GPCPD1: variants seen among roughly 807,000 people sequenced by gnomAD.
GPCPD1 encodes the protein glycerophosphocholine phosphodiesterase 1, also known as glycerophosphocholine phosphodiesterase GPCPD1.
A neutral mutation model predicts 89.2 loss-of-function variants in GPCPD1; 29 were observed. The ratio of observed to expected loss-of-function variants is 0.33; its 90% confidence interval spans 0.24 to 0.44. The LOEUF is 0.44. Ranked by LOEUF, GPCPD1 falls within the 20% of genes least tolerant of loss-of-function variation. The pLI is 1.00. For missense variants in GPCPD1, 594 were observed against 808.9 expected, an observed-to-expected ratio of 0.73 and a Z score of 3.22; for synonymous variants, 258 against 266.3, an observed-to-expected ratio of 0.97 and a Z score of 0.30.
chr20:5,570,385 T>C (rs1255647750), intron 11 of GPCPD1, 146 bp from the exon 12 acceptor site: 2 of 270,610 alleles, frequency 7.4e-6, no homozygotes, highest in East Asian at 6.3e-5. Context: ...CTTAAAACAA[T>C]GGGTTTTCTC....
At chr20:5,598,946 T>C (rs1259471873) in intron 2 of GPCPD1, 125 bp from the exon 3 acceptor site, 1 of 673,254 alleles carries the variant, frequency 1.5e-6, no homozygotes, top group African/African-American at 1.8e-5. Flanking sequence ...AGAGCCTCAC[T>C]AGATATAGGT....
chr20:5,567,595 A>C (rs776111166), intron 12 of GPCPD1, 35 bp from the exon 13 acceptor site: 23 of 1,516,966 alleles, frequency 1.5e-5, no homozygotes, highest in Middle Eastern at 4.9e-4. Context: ...AAGAAAAAGA[A>C]AGAATAAAGA....
chr20:5,610,143 G>A (rs997008639), intron 1 of GPCPD1, among the ~76,000 whole-genome samples: 2 of 152,140 alleles, frequency 1.3e-5, no homozygotes, highest in African/African-American at 4.8e-5. Flanking sequence ...CTGGGGAGAG[G>A]GCTGATGAGG....
rs766915579 is a variant in GPCPD1, at chr20:5,594,350, C to T, written c.147-939G>A. Among the ~76,000 whole-genome samples the T allele has an allele frequency of 7.3e-5, 11 of 150,610 alleles. No homozygotes were observed. In the East Asian group the frequency reaches 1.8e-3, roughly 24 times the overall value. The stretch of plus-strand genomic sequence containing the variant: ...TGTCACCCAGAGTGAAGTGCAGTGG[C>T]GCGATCTCAGCTCACTGCAAGCTCC... On this transcript the variant is annotated intron_variant, in intron 3 of 19. Coordinates refer to ENST00000379019, the MANE Select transcript of GPCPD1 (RefSeq NM_019593.5).
intron 19 of GPCPD1, chr20:5,549,545 T>C: frequency 1.1e-6 from 1 of 940,200 alleles, no homozygotes; most frequent in East Asian, 3.2e-5. Context: ...CAATCGAGAT[T>C]TTGGAGCTGA....
chr20:5,583,465 T>C (rs1022591283), intron 6 of GPCPD1, among the ~76,000 whole-genome samples: 5 of 152,010 alleles, frequency 3.3e-5, no homozygotes, highest in Non-Finnish European at 7.4e-5. Context: ...GGAGTATCAC[T>C]TGAACCTCAG....
intron 15 of GPCPD1, among the ~76,000 whole-genome samples, chr20:5,562,741 T>G (rs1456163063): frequency 1.3e-5 from 2 of 152,210 alleles, no homozygotes; most frequent in African/African-American, 4.8e-5. Flanking sequence ...CTGGGCCTAC[T>G]CTTAACCAGC....
intron 6 of GPCPD1, 149 bp from the exon 7 acceptor site, chr20:5,580,280 C>G (rs1978365339): frequency 2.0e-6 from 1 of 490,196 alleles, no homozygotes; most frequent in Admixed American, 4.0e-5. Flanking sequence ...AGATCTAATC[C>G]ATGATTTGTT....
At chr20:5,610,665 C>T (rs1231628792) in intron 1 of GPCPD1, among the ~76,000 whole-genome samples, 177 bp downstream of exon 1, 1 of 151,786 alleles carries the variant, frequency 6.6e-6, no homozygotes, top group Non-Finnish European at 1.5e-5. Flanking sequence ...ACCGATTTAG[C>T]GCAGCGAACG....
intron 17 of GPCPD1, among the ~76,000 whole-genome samples, 167 bp from the exon 18 acceptor site, chr20:5,558,986 T>TG (rs1410513595): frequency 6.6e-6 from 1 of 152,126 alleles, no homozygotes; most frequent in Non-Finnish European, 1.5e-5. Context: ...GCAGAGCACT[T>TG]GCGGTCATGA....
chr20:5,594,352 C>T (rs1979550072), intron 3 of GPCPD1, among the ~76,000 whole-genome samples: 1 of 151,690 alleles, frequency 6.6e-6, no homozygotes, highest in South Asian at 2.1e-4. Context: ...TGCAGTGGCG[C>T]GATCTCAGCT....
intron 1 of GPCPD1, among the ~76,000 whole-genome samples, chr20:5,606,758 G>T (rs1054036171): frequency 6.6e-6 from 1 of 152,116 alleles, no homozygotes; most frequent in African/African-American, 2.4e-5. Context: ...TTGAGATGAG[G>T]GTCAAGAGTC....
In GPCPD1 at chr20:5,575,459, A is replaced by C. The variant is rs758971856; in HGVS notation, c.955T>G (p.Leu319Val). 4 of 1,607,592 alleles carry C rather than the reference A, an allele frequency of 2.5e-6. No homozygotes were observed. Among genetic ancestry groups the C allele is most frequent in the African/African-American group, 1.3e-5 (1 of 74,796 alleles). Residue 319 changes from leucine to valine, a missense_variant, in exon 10 of 20, where the codon TTG becomes GTG. Transcript: ENST00000379019. ...FSKYWKPRIP[L>V]DVGHRGAGNS... ...CCTGCACCTCGATGGCCAACATCCA[A>C]TGGTATTCTTGGCTTCCAATACTTG...
chr20:5,559,857 G>A, intron 17 of GPCPD1, 83 bp downstream of exon 17: 1 of 686,686 alleles, frequency 1.5e-6, no homozygotes. Context: ...GGGAAAGCTG[G>A]ACAACTACCC....
chr20:5,555,788 A>G (rs900664365), intron 19 of GPCPD1, among the ~76,000 whole-genome samples: 3 of 152,212 alleles, frequency 2.0e-5, no homozygotes, highest in Non-Finnish European at 4.4e-5. Context: ...CAGGAGATGG[A>G]GGTTGCAGTG....
chr20:5,606,078 G>C (rs1420699452), intron 1 of GPCPD1, among the ~76,000 whole-genome samples: 2 of 152,018 alleles, frequency 1.3e-5, no homozygotes, highest in Non-Finnish European at 2.9e-5. Context: ...TCCACATTTT[G>C]TCTAGCTAAT....
intron 1 of GPCPD1, among the ~76,000 whole-genome samples, chr20:5,610,042 A>T (rs1372096480): frequency 6.6e-6 from 1 of 152,182 alleles, no homozygotes; most frequent in African/African-American, 2.4e-5. Flanking sequence ...CAGTTCCTCT[A>T]TGCAGGTCTA....
chr20:5,580,115 CAG>C lies in GPCPD1; in HGVS notation c.364_365del (p.Leu122GlyfsTer10). ...TCTGACATGTCAGCCATCCAGAATC[CAG>C]AGTTTCAACACCATCTGACAGAATA... ...QFGIHNGVET[L>X]DSGWLTCQTE... On this transcript the variant is annotated frameshift_variant, in exon 7 of 20. Coordinates refer to ENST00000379019, the MANE Select transcript of GPCPD1 (RefSeq NM_019593.5). LOFTEE classifies it high-confidence loss of function. 6.6e-7 allele frequency: 1 copy of C among 1,504,998 alleles called. No individual in the cohort carries two copies. Among genetic ancestry groups the C allele is most frequent in the South Asian group, 1.1e-5 (1 of 87,424 alleles). 93.2% of individuals were successfully genotyped at this position (1,504,998 alleles called of 1,614,324 possible). A position where few individuals can be genotyped will look rare whatever the true frequency, so the allele number is the denominator to read the frequency against.
chr20:5,577,053 GTTTTTTTTTTTGT>G (rs1201892273), intron 8 of GPCPD1, among the ~76,000 whole-genome samples: 139 of 124,630 alleles, frequency 1.1e-3, no homozygotes, highest in African/African-American at 4.0e-3. Context: ...AAAAAAAGTT[GTTTTTTTTTTTGT>G]TTTTTTTTTT....
Sources: gnomAD v4.1 joint callset for allele counts (sites outside exome capture counted in the v4.1 genomes callset) on GRCh38, gnomAD v4.1.1 for gene constraint, MANE v1.5 for transcripts, NCBI Gene and HGNC (gene_info 2026-07-23, HGNC 2026-07-21) for gene names.